Variants in PPP2R2A observed in about 807,000 individuals in gnomAD.
PPP2R2A encodes serine/threonine-protein phosphatase 2A 55 kDa regulatory subunit B alpha isoform.
A neutral mutation model predicts 53.2 loss-of-function variants in PPP2R2A; 9 were observed. That is an observed-to-expected ratio of 0.17 (90% CI 0.10 to 0.30). PPP2R2A has a LOEUF of 0.30. Among genes scored for constraint, PPP2R2A ranks in the 10% least tolerant of loss-of-function variants. The pLI is 1.00. For missense variants in PPP2R2A, 235 were observed against 534.6 expected (o/e 0.44, Z 5.53); for synonymous variants, 169 against 174.2 (o/e 0.97, Z 0.23).
At chr8:26,344,362 T>G (rs776848304) in intron 3 of PPP2R2A, among the ~76,000 whole-genome samples, 1 of 152,230 alleles carries the variant, frequency 6.6e-6, no homozygotes, top group Non-Finnish European at 1.5e-5. Flanking sequence ...TGGATGAGTA[T>G]TCACAATGCT....
chr8:26,326,194 T>C (rs1803075708), intron 2 of PPP2R2A, among the ~76,000 whole-genome samples: 1 of 152,204 alleles, frequency 6.6e-6, no homozygotes, highest in Non-Finnish European at 1.5e-5. Context: ...TATTACTGGC[T>C]CAGGTCACTA....
At position 26,372,242 on chromosome 8, in the gene PPP2R2A, T is replaced by A. The variant is rs538913890; in HGVS notation, c.*1829T>A. The stretch of plus-strand genomic sequence containing the variant: ...GCACTTTTACTAATTTATTTGGGGA[T>A]CTTGGGTACATTCTTAATTTGTGTT... On this transcript the variant is annotated 3_prime_UTR_variant, in exon 10 of 10. Coordinates refer to ENST00000380737, the MANE Select transcript of PPP2R2A (RefSeq NM_002717.4). 2 of 152,338 alleles carry A rather than the reference T, an allele frequency of 1.3e-5. No individual in the cohort carries two copies. The highest frequency in any genetic ancestry group is 4.1e-4 in the South Asian group (2 of 4,824). The allele number at this position is 152,338 out of a possible 1,614,324, so 9.4% of individuals were successfully genotyped here. A position where few individuals can be genotyped will look rare whatever the true frequency, so the allele number is the denominator to read the frequency against.
At position 26,362,994 on chromosome 8, in the gene PPP2R2A, T is replaced by A. The variant is rs1443231375; in HGVS notation, c.802+146T>A. ...TTGTACCCTTGGTAATCTGCCTACC[T>A]CCTCATGAGGCATTCCAGGTTATTC... On this transcript the variant is annotated intron_variant, in intron 7 of 9. Transcript: ENST00000380737. The surrounding 1 kb of genome is among the most constrained non-coding windows in gnomAD (Gnocchi z 4.4). 7.6e-5 allele frequency: 52 copies of A among 681,686 alleles called. No homozygotes were observed. Among genetic ancestry groups the A allele is most frequent in the Non-Finnish European group, 1.2e-4 (48 of 413,820 alleles). 42.2% of individuals were successfully genotyped at this position (681,686 alleles called of 1,614,324 possible).
chr8:26,309,827 T>C lies in PPP2R2A; in HGVS notation c.82+16087T>C, dbSNP rs547756410. On this transcript the variant is annotated intron_variant, in intron 2 of 9. Coordinates refer to ENST00000380737, the MANE Select transcript of PPP2R2A (RefSeq NM_002717.4). The stretch of plus-strand genomic sequence containing the variant: ...GCATTTTTAAGAATTACATTTGCTG[T>C]CTTATGGAGGTGCTTCATGGCATTC... Among the ~76,000 whole-genome samples, 38 of 152,226 alleles carry C rather than the reference T, an allele frequency of 2.5e-4. No individual in the cohort carries two copies. In the South Asian group the frequency reaches 6.0e-3, roughly 24 times the overall value.
intron 1 of PPP2R2A, chr8:26,292,419 C>T (rs1211065070): frequency 2.0e-6 from 2 of 985,434 alleles, no homozygotes; most frequent in Non-Finnish European, 2.4e-6. Context: ...CCTTTTACCG[C>T]CGAAGAGTGC....
chr8:26,299,400 G>A (rs1209005182), intron 2 of PPP2R2A, among the ~76,000 whole-genome samples: 2 of 152,046 alleles, frequency 1.3e-5, no homozygotes, highest in Non-Finnish European at 2.9e-5. Context: ...ATATTTGATA[G>A]TCTTAAACTT....
rs1157026917 is a variant in PPP2R2A at position 26,372,095 on chromosome 8, T to C, written c.*1682T>C. 1 of 152,194 alleles carries C rather than the reference T, an allele frequency of 6.6e-6. No homozygotes were observed. Among genetic ancestry groups the C allele is most frequent in the African/African-American group, 2.4e-5 (1 of 41,446 alleles). The allele number at this position is 152,194 out of a possible 1,614,324, so 9.4% of individuals were successfully genotyped here. On this transcript the variant is annotated 3_prime_UTR_variant, in exon 10 of 10. Transcript: ENST00000380737. ...ACCGTGATTCCCTCTACTACAAATA[T>C]TATGTCTTGTAAGTTAGCATTTTTA...
At chr8:26,305,885 T>C (rs1230850933) in intron 2 of PPP2R2A, among the ~76,000 whole-genome samples, 1 of 152,224 alleles carries the variant, frequency 6.6e-6, no homozygotes, top group African/African-American at 2.4e-5. Flanking sequence ...AAATCCCATA[T>C]TGCAGGTCTA....
chr8:26,356,389 C>T (rs1467266479), intron 4 of PPP2R2A, among the ~76,000 whole-genome samples: 1 of 152,164 alleles, frequency 6.6e-6, no homozygotes, highest in Non-Finnish European at 1.5e-5. Context: ...GATGCGTACC[C>T]TCTGCCTTCT....
chr8:26,352,860 AC>A (rs1174668062), intron 3 of PPP2R2A, among the ~76,000 whole-genome samples: 2 of 152,170 alleles, frequency 1.3e-5, no homozygotes, highest in African/African-American at 2.4e-5. Flanking sequence ...AATTGTGTAG[AC>A]CATAACCAGT....
chr8:26,293,565 C>T (rs748432413), intron 1 of PPP2R2A, 101 bp from the exon 2 acceptor site: 12 of 1,145,526 alleles, frequency 1.0e-5, no homozygotes, highest in Middle Eastern at 2.0e-4. Flanking sequence ...GTGGGCAGAA[C>T]TAGGCTGTTA....
intron 9 of PPP2R2A, among the ~76,000 whole-genome samples, chr8:26,367,079 G>T (rs1805413693): frequency 6.6e-6 from 1 of 152,150 alleles, no homozygotes; most frequent in South Asian, 2.1e-4. Context: ...AAAGTAATCA[G>T]AGATACTTCA....
chr8:26,306,450 T>C (rs1453076289), intron 2 of PPP2R2A, among the ~76,000 whole-genome samples: 1 of 140,518 alleles, frequency 7.1e-6, no homozygotes, highest in Non-Finnish European at 1.5e-5. Flanking sequence ...TACTGCAGCC[T>C]GGGTGACAGA....
chr8:26,344,397 A>C (rs1423703014), intron 3 of PPP2R2A, among the ~76,000 whole-genome samples: 2 of 152,224 alleles, frequency 1.3e-5, no homozygotes, highest in Non-Finnish European at 1.5e-5. Context: ...AAATAAAAAA[A>C]ACTTTAATCC....
At chr8:26,322,521 C>T (rs1445614640) in intron 2 of PPP2R2A, among the ~76,000 whole-genome samples, 3 of 151,856 alleles carry the variant, frequency 2.0e-5, no homozygotes, top group African/African-American at 7.3e-5. Flanking sequence ...TTATCCTTTA[C>T]ATAGGCAGTG....
At chr8:26,358,034 T>G (rs1804882854) in intron 4 of PPP2R2A, among the ~76,000 whole-genome samples, 1 of 152,142 alleles carries the variant, frequency 6.6e-6, no homozygotes, top group African/African-American at 2.4e-5. Context: ...TAAAAATTTA[T>G]GTCATATTTA....
At chr8:26,337,755 A>T (rs1448877847) in intron 2 of PPP2R2A, among the ~76,000 whole-genome samples, 3 of 152,208 alleles carry the variant, frequency 2.0e-5, no homozygotes, top group Non-Finnish European at 2.9e-5. Context: ...TGAGCACTTA[A>T]ATATGTGCAG....
rs556711835 is a variant in PPP2R2A, at chr8:26,292,528, TAG to T, written c.7+705_7+706del. The T allele has an allele frequency of 1.5e-5, 12 of 827,114 alleles. No homozygotes were observed. In the South Asian group the frequency reaches 5.5e-4, roughly 38 times the overall value. The allele number at this position is 827,114 out of a possible 1,614,324, so 51.2% of individuals were successfully genotyped here. ...ATGTCCTTTTCCCAAAAGGGTTTGG[TAG>T]AGTTAGTTAAAATAGTTGCGGAGTT... On this transcript the variant is annotated intron_variant, in intron 1 of 9. Coordinates refer to ENST00000380737, the MANE Select transcript of PPP2R2A (RefSeq NM_002717.4).
chr8:26,346,300 C>G (rs1468281643), intron 3 of PPP2R2A, among the ~76,000 whole-genome samples: 2 of 152,042 alleles, frequency 1.3e-5, no homozygotes, highest in Non-Finnish European at 2.9e-5. Context: ...ACCACCATGC[C>G]TGGTTAATTT....
Sources: allele counts gnomAD v4.1 joint callset (sites outside exome capture counted in the v4.1 genomes callset), GRCh38; gene constraint gnomAD v4.1.1; non-coding constraint Gnocchi (gnomAD v3.1); transcripts MANE v1.5; gene names NCBI Gene and HGNC (gene_info 2026-07-23, HGNC 2026-07-21).